The following WNT5B variants were observed in gnomAD, a reference collection of about 807,000 sequenced individuals.
The protein encoded by WNT5B is protein Wnt-5b.
WNT5B carries 18 observed loss-of-function variants against 36.5 expected under a neutral mutation model. The ratio of observed to expected loss-of-function variants is 0.49; its 90% confidence interval spans 0.34 to 0.73. WNT5B has a LOEUF of 0.73. WNT5B is among the 30% of genes least tolerant of loss of function. The pLI, the probability that WNT5B is intolerant of heterozygous loss-of-function variation, is 0.01. For synonymous variants in WNT5B, 213 were observed against 212.3 expected, an observed-to-expected ratio of 1.00 and a Z score of -0.03; for missense variants, 424 against 508.4, an observed-to-expected ratio of 0.83 and a Z score of 1.60.
rs112753984 is a variant in WNT5B at position 1,632,585 on chromosome 12, A to C, written c.81-73A>C. The C allele has an allele frequency of 2.0e-6, 3 of 1,515,478 alleles. No individual in the cohort carries two copies. Among genetic ancestry groups the C allele is most frequent in the Non-Finnish European group, 2.7e-6 (3 of 1,127,480 alleles). The allele number at this position is 1,515,478 out of a possible 1,614,324, so 93.9% of individuals were successfully genotyped here. A position where few individuals can be genotyped will look rare whatever the true frequency, so the allele number is the denominator to read the frequency against. The stretch of plus-strand genomic sequence containing the variant: ...CGCATTCAATAAATGTGTTGAATGA[A>C]TGACTTAATGCTGCACACAGGCGTA... On this transcript the variant is annotated intron_variant, in intron 2 of 4. Coordinates refer to ENST00000397196, the MANE Select transcript of WNT5B (RefSeq NM_032642.3). The surrounding 1 kb of genome is among the most constrained non-coding windows in gnomAD (Gnocchi z 5.8).
chr12:1,626,514 C>T (rs112293162), upstream of WNT5B, among the ~76,000 whole-genome samples: 5,234 of 151,882 alleles, frequency 0.034, 101 homozygotes, highest in East Asian at 0.072. Context: ...CCACCTGCCT[C>T]GGCCTCGCAA....
At position 1,636,497 on chromosome 12, in the gene WNT5B, CTATATATATATATATA is replaced by C. The variant is rs56095993; in HGVS notation, c.329-3158_329-3143del. Among the ~76,000 whole-genome samples the C allele has an allele frequency of 4.1e-3, 333 of 81,118 alleles. 7 individuals carry two copies. Among genetic ancestry groups the C allele is most frequent in the East Asian group, 0.02 (77 of 3,790 alleles). The allele number at this position is 81,118 out of a possible 152,430, so 53.2% of individuals were successfully genotyped here. On this transcript the variant is annotated intron_variant, in intron 3 of 4. Coordinates refer to ENST00000397196, the MANE Select transcript of WNT5B (RefSeq NM_032642.3). ...TTTAAAGGTTCATCTGTGTTGCAGT[CTATATATATATATATA>C]TATATATATATATATATATATATAT... is the stretch of plus-strand genomic sequence containing the variant.
intron 3 of WNT5B, among the ~76,000 whole-genome samples, chr12:1,634,718 C>T (rs1275688912): frequency 6.6e-6 from 1 of 152,140 alleles, no homozygotes; most frequent in Non-Finnish European, 1.5e-5. Context: ...CCTCCCTCTC[C>T]CTATCTTGAG....
rs745892117 is a variant in WNT5B at position 1,646,003 on chromosome 12, C to G, written c.831C>G (p.Asp277Glu). 3 of 1,612,254 alleles carry G rather than the reference C, an allele frequency of 1.9e-6. No homozygotes were observed. The South Asian group carries it at 3.3e-5, about 18-fold the overall frequency. ...GCTTCACCCAGCCCACCCCGGAGGA[C>G]CTGGTCTATGTGGACCCCAGCCCCG... ...NSRFTQPTPE[D>E]LVYVDPSPDY... is the part of the protein sequence containing the mutation. The change falls in exon 5 of 5, where the codon GAC (aspartate) becomes GAG (glutamate). Residue 277 changes from aspartate to glutamate, a missense_variant. Coordinates refer to ENST00000397196, the MANE Select transcript of WNT5B (RefSeq NM_032642.3).
Position 1,618,226 on chromosome 12 carries a change from G to A in WNT5B, c.-58+1083G>A, listed in dbSNP as rs1007741981. ...GTTTCCCCAGGTCCTTTAAAAATAC[G>A]CTCCATTTTGCAAACACAGTAGTAC... On this transcript the variant is annotated intron_variant, in intron 1 of 4. Coordinates refer to the WNT5B transcript ENST00000310594. This position sits in a 1 kb window ranked among gnomAD's most constrained non-coding sequence, Gnocchi z 4.1. Among the ~76,000 whole-genome samples the A allele has an allele frequency of 2.1e-4, 32 of 152,124 alleles. No individual in the cohort carries two copies. Among genetic ancestry groups the A allele is most frequent in the Admixed American group, 1.2e-3 (18 of 15,278 alleles).
chr12:1,640,955 C>CT (rs2094574064), intron 4 of WNT5B, among the ~76,000 whole-genome samples: 1 of 152,246 alleles, frequency 6.6e-6, no homozygotes, highest in African/African-American at 2.4e-5. Context: ...GTGAGAGGCT[C>CT]TTTCTCCTGG....
chr12:1,627,286 G>A (rs554141648), upstream of WNT5B, among the ~76,000 whole-genome samples: 4 of 152,320 alleles, frequency 2.6e-5, no homozygotes, highest in South Asian at 6.2e-4. This position sits in a 1 kb window ranked among gnomAD's most constrained non-coding sequence, Gnocchi z 5.0. Context: ...TGGATGTGAC[G>A]GTGCCTGTCT....
rs1477863450 is a variant in WNT5B, at chr12:1,631,421, G to T, written c.67G>T (p.Ala23Ser). 1 of 1,614,076 alleles carries T rather than the reference G, an allele frequency of 6.2e-7. No individual in the cohort carries two copies. Among genetic ancestry groups the T allele is most frequent in the Non-Finnish European group, 8.5e-7 (1 of 1,180,008 alleles). The change falls in exon 2 of 5, where the codon GCC (alanine) becomes TCC (serine). Residue 23 changes from alanine (A) to serine (S), a missense_variant. Physicochemically the swap from Ala to Ser is moderately conservative, Grantham distance 99. Transcript: ENST00000397196. ...CAGCTGGGCTCAGCTTCTGACAGACGCCAACTCCTGGTGGTGAGTAAGAGG... is the reference window on the plus strand; with the variant it reads ...CAGCTGGGCTCAGCTTCTGACAGACTCCAACTCCTGGTGGTGAGTAAGAGG... The part of the protein sequence containing the change: ...LSSWAQLLTD[A>S]NSWWSLALNP...
chr12:1,617,846 A>G (rs2094528910), intron 1 of WNT5B, among the ~76,000 whole-genome samples: 2 of 152,076 alleles, frequency 1.3e-5, no homozygotes, highest in Admixed American at 1.3e-4. Flanking sequence ...TGTGTTAGTC[A>G]AAGACACTTG....
In WNT5B at chr12:1,646,275, C is replaced by T; in HGVS notation, c.*23C>T. 1 of 1,576,544 alleles carries T rather than the reference C, an allele frequency of 6.3e-7. No homozygotes were observed. The highest frequency in any genetic ancestry group is 8.6e-7 in the Non-Finnish European group (1 of 1,162,316). On this transcript the variant is annotated 3_prime_UTR_variant, in exon 5 of 5. Transcript: ENST00000397196. ...TAGCCCGGAGGGCCTGCTCCCGGCCCCCCTGCACTCTGCCTCACAAAGGTC... is the reference window on the plus strand; with the variant it reads ...TAGCCCGGAGGGCCTGCTCCCGGCCTCCCTGCACTCTGCCTCACAAAGGTC...
intron 1 of WNT5B, among the ~76,000 whole-genome samples, chr12:1,622,991 G>A (rs1247675621): frequency 6.6e-6 from 1 of 151,988 alleles, no homozygotes; most frequent in Non-Finnish European, 1.5e-5. Context: ...CCCAGAAGTC[G>A]GCAAGGCACA....
intron 3 of WNT5B, among the ~76,000 whole-genome samples, chr12:1,636,483 A>G (rs1005345917): frequency 1.5e-5 from 2 of 132,808 alleles, no homozygotes; most frequent in African/African-American, 5.7e-5. Context: ...TTAAAGGTTC[A>G]TCTGTGTTGC....
At chr12:1,620,103 AC>A (rs1298692779) in intron 1 of WNT5B, among the ~76,000 whole-genome samples, 1 of 152,198 alleles carries the variant, frequency 6.6e-6, no homozygotes, top group Non-Finnish European at 1.5e-5. Flanking sequence ...TAATACATGC[AC>A]AACTTAATAA....
At chr12:1,624,880 G>A (rs12426085), upstream of WNT5B, among the ~76,000 whole-genome samples, 6,406 of 152,052 alleles carry the variant, frequency 0.042, 190 homozygotes, top group African/African-American at 0.086. Context: ...GGATTCATAA[G>A]GGCCGAAGAG....
At chr12:1,624,310 G>A (rs749349726), upstream of WNT5B, among the ~76,000 whole-genome samples, 38 of 150,456 alleles carry the variant, frequency 2.5e-4, no homozygotes, top group Non-Finnish European at 4.7e-4. Flanking sequence ...CACTTGAATC[G>A]GGAGGCGGAG....
chr12:1,631,078 T>G lies in WNT5B; in HGVS notation c.-57-220T>G, dbSNP rs964464776. 3.8e-5 allele frequency: 12 copies of G among 316,948 alleles called. 1 individual carries two copies. The Admixed American group carries it at 5.1e-4, about 13-fold the overall frequency. The allele number at this position is 316,948 out of a possible 1,614,324, so 19.6% of individuals were successfully genotyped here. ...TCTCAGCTCATTATTTCTTTGGAAA[T>G]TAGGTCCTGTGCAGGGTTCCCACAG... On this transcript the variant is annotated intron_variant, in intron 1 of 4. Transcript: ENST00000397196.
At position 1,646,830 on chromosome 12, in the gene WNT5B, C is replaced by G. The variant is rs1430110255; in HGVS notation, c.*578C>G. ...TAAAATGAGAAGTCCAAGGTCATCT[C>G]TGGCCCAGTGACCACAGAGAGATCT... is the stretch of plus-strand genomic sequence containing the variant. On this transcript the variant is annotated 3_prime_UTR_variant, in exon 5 of 5. Transcript: ENST00000397196. 6.6e-6 allele frequency: 1 copy of G among 151,818 alleles called. No individual in the cohort carries two copies. The highest frequency in any genetic ancestry group is 1.5e-5 in the Non-Finnish European group (1 of 67,952). The allele number at this position is 151,818 out of a possible 1,614,324, so 9.4% of individuals were successfully genotyped here. A position where few individuals can be genotyped will look rare whatever the true frequency, so the allele number is the denominator to read the frequency against.
chr12:1,638,275 C>G (rs777749952), intron 3 of WNT5B, among the ~76,000 whole-genome samples: 4 of 152,166 alleles, frequency 2.6e-5, no homozygotes, highest in Non-Finnish European at 5.9e-5. Flanking sequence ...AACAAAAAAA[C>G]ACAACACCTG....
chr12:1,639,207 A>C (rs61914789), intron 3 of WNT5B, among the ~76,000 whole-genome samples: 3 of 148,214 alleles, frequency 2.0e-5, no homozygotes, highest in Non-Finnish European at 3.0e-5. Flanking sequence ...GCGCGGTCTC[A>C]GCTCCCTGCA....
Sources: gnomAD v4.1 joint callset for allele counts (sites outside exome capture counted in the v4.1 genomes callset) on GRCh38, gnomAD v4.1.1 for gene constraint, Gnocchi (gnomAD v3.1) non-coding constraint, MANE v1.5 for transcripts, NCBI Gene and HGNC (gene_info 2026-07-23, HGNC 2026-07-21) for gene names.